The following SPAG1 variants were observed in gnomAD, a reference collection of about 807,000 sequenced individuals.
The protein encoded by SPAG1 is sperm-associated antigen 1.
A neutral mutation model predicts 100.5 loss-of-function variants in SPAG1; 69 were observed. That is an observed-to-expected ratio of 0.69 (90% CI 0.57 to 0.84). SPAG1 has a LOEUF of 0.84. Ranked by LOEUF, SPAG1 falls within the 40% of genes least tolerant of loss-of-function variation. The pLI is 0.00. For synonymous variants in SPAG1, 336 were observed against 411.6 expected (o/e 0.82, Z 2.22); for missense variants, 955 against 1,133.1 (o/e 0.84, Z 2.26).
At chr8:100,168,435 C>A (rs1035573071) in intron 3 of SPAG1, among the ~76,000 whole-genome samples, 1 of 151,980 alleles carries the variant, frequency 6.6e-6, no homozygotes, top group Non-Finnish European at 1.5e-5. Context: ...GCTTTTTTGC[C>A]CAGGCTGGAG....
At chr8:100,194,363 A>G in intron 10 of SPAG1, 95 bp downstream of exon 10, 1 of 1,523,716 alleles carries the variant, frequency 6.6e-7, no homozygotes, top group Non-Finnish European at 8.9e-7. Flanking sequence ...TTCGTAATCT[A>G]TCAGTTTTTC....
intron 12 of SPAG1, among the ~76,000 whole-genome samples, chr8:100,216,027 G>A (rs1817972134): frequency 6.6e-6 from 1 of 152,152 alleles, no homozygotes; most frequent in Non-Finnish European, 1.5e-5. Context: ...AGGATTTTGT[G>A]AGCTGGTTGA....
Position 100,240,392 on chromosome 8 carries a change from T to C in SPAG1, c.2281-11T>C. The C allele has an allele frequency of 1.3e-6, 2 of 1,570,590 alleles. No individual in the cohort carries two copies. The highest frequency in any genetic ancestry group is 1.7e-6 in the Non-Finnish European group (2 of 1,164,776). On this transcript the variant is annotated splice_polypyrimidine_tract_variant and intron_variant, in intron 17 of 18. Coordinates refer to ENST00000388798, the MANE Select transcript of SPAG1 (RefSeq NM_003114.5). Reference sequence around the variant, plus strand: ...TCAGTGTCACAATGCATTTTTCTTTTCTTCATGAAGGTGAATGAAGGCAAG... The same window carrying C: ...TCAGTGTCACAATGCATTTTTCTTTCCTTCATGAAGGTGAATGAAGGCAAG...
intron 14 of SPAG1, among the ~76,000 whole-genome samples, chr8:100,228,768 T>G (rs1394887611): frequency 2.0e-5 from 3 of 152,132 alleles, no homozygotes; most frequent in African/African-American, 7.2e-5. Flanking sequence ...ATTTTAAGAT[T>G]ACAAAATTTA....
At chr8:100,206,959 T>G (rs1019240091) in intron 10 of SPAG1, among the ~76,000 whole-genome samples, 1 of 152,224 alleles carries the variant, frequency 6.6e-6, no homozygotes, top group Non-Finnish European at 1.5e-5. Flanking sequence ...CAGTGGCAGA[T>G]AGGGATGCCG....
At chr8:100,166,005 T>C (rs747458328) in intron 3 of SPAG1, 32 bp downstream of exon 3, 5 of 1,545,906 alleles carry the variant, frequency 3.2e-6, no homozygotes, top group Non-Finnish European at 4.4e-6. Flanking sequence ...CCATAGATAT[T>C]GTTGAGACAT....
intron 15 of SPAG1, 103 bp from the exon 16 acceptor site, chr8:100,233,308 A>AACAG: frequency 1.6e-6 from 2 of 1,280,424 alleles, no homozygotes; most frequent in Non-Finnish European, 2.2e-6. Context: ...GTGGTATAGC[A>AACAG]ACAGACATAT....
intron 10 of SPAG1, among the ~76,000 whole-genome samples, chr8:100,212,304 A>G (rs1817749624): frequency 6.6e-6 from 1 of 152,254 alleles, no homozygotes; most frequent in South Asian, 2.1e-4. Context: ...AGAATTCGTT[A>G]AAAGAGAAAG....
At chr8:100,231,647 A>T (rs1281009801) in intron 15 of SPAG1, among the ~76,000 whole-genome samples, 1 of 152,210 alleles carries the variant, frequency 6.6e-6, no homozygotes, top group African/African-American at 2.4e-5. Context: ...TGGGAGGAGC[A>T]GGAATCAATG....
At chr8:100,182,795 TAA>T (rs915784572) in intron 4 of SPAG1, among the ~76,000 whole-genome samples, 29 of 152,142 alleles carry the variant, frequency 1.9e-4, no homozygotes, top group Non-Finnish European at 5.9e-5. Flanking sequence ...TATTCACACA[TAA>T]GTTTTAAAAT....
intron 8 of SPAG1, among the ~76,000 whole-genome samples, chr8:100,189,105 G>A (rs1816703509): frequency 6.6e-6 from 1 of 151,974 alleles, no homozygotes; most frequent in African/African-American, 2.4e-5. Context: ...GCCGAGGTGG[G>A]CAGATCACCT....
Position 100,220,497 on chromosome 8 carries a change from C to G in SPAG1, c.1688+66C>G. 7 of 1,320,362 alleles carry G rather than the reference C, an allele frequency of 5.3e-6. No individual in the cohort carries two copies. In the South Asian group the frequency reaches 9.7e-5, roughly 18 times the overall value. 81.8% of individuals were successfully genotyped at this position (1,320,362 alleles called of 1,614,324 possible). A position where few individuals can be genotyped will look rare whatever the true frequency, so the allele number is the denominator to read the frequency against. On this transcript the variant is annotated intron_variant, in intron 13 of 18. Coordinates refer to ENST00000388798, the MANE Select transcript of SPAG1 (RefSeq NM_003114.5). ...ATACTGTTTTTCCCTTCCCCTCCTTCAAGAACATGTCAAAATATAGATGTG... is the reference window on the plus strand; with the variant it reads ...ATACTGTTTTTCCCTTCCCCTCCTTGAAGAACATGTCAAAATATAGATGTG...
intron 10 of SPAG1, among the ~76,000 whole-genome samples, chr8:100,208,703 T>G (rs189469997): frequency 5.0e-4 from 76 of 152,332 alleles, no homozygotes; most frequent in African/African-American, 1.8e-3. Flanking sequence ...CTTTTTCCTT[T>G]ATCATGTGAC....
intron 14 of SPAG1, among the ~76,000 whole-genome samples, chr8:100,226,485 T>C (rs1818518711): frequency 6.6e-6 from 1 of 152,144 alleles, no homozygotes; most frequent in African/African-American, 2.4e-5. Flanking sequence ...AGTGGATCAC[T>C]TGAGCCCAGG....
intron 10 of SPAG1, among the ~76,000 whole-genome samples, chr8:100,200,346 T>C (rs1357890342): frequency 1.3e-5 from 2 of 152,250 alleles, no homozygotes; most frequent in African/African-American, 4.8e-5. Context: ...CAGTCTATCA[T>C]TGATGGACAT....
At chr8:100,234,366 AAAT>A (rs1818909731) in intron 16 of SPAG1, among the ~76,000 whole-genome samples, 1 of 151,894 alleles carries the variant, frequency 6.6e-6, no homozygotes, top group Non-Finnish European at 1.5e-5. Context: ...TGCTAAAAAA[AAAT>A]AACATTTTCA....
intron 10 of SPAG1, among the ~76,000 whole-genome samples, chr8:100,210,648 C>T (rs1425558448): frequency 1.3e-5 from 2 of 152,006 alleles, no homozygotes; most frequent in Admixed American, 6.6e-5. Context: ...CTCAGGGATC[C>T]TTATGAGCCT....
At position 100,183,355 on chromosome 8, in the gene SPAG1, A is replaced by G. The variant is rs1350143806; in HGVS notation, c.427-20A>G. 9.3e-7 allele frequency: 1 copy of G among 1,075,422 alleles called. No homozygotes were observed. Among genetic ancestry groups the G allele is most frequent in the South Asian group, 1.3e-5 (1 of 74,262 alleles). 66.6% of individuals were successfully genotyped at this position (1,075,422 alleles called of 1,614,324 possible). ...TCTTATATTAAATATGTCTCATAAA[A>G]TATGATTTTATTCTTTTAGGAAAAA... On this transcript the variant is annotated intron_variant, in intron 4 of 18. Coordinates refer to ENST00000388798, the MANE Select transcript of SPAG1 (RefSeq NM_003114.5).
At chr8:100,175,284 CTTT>C (rs1329134913) in intron 3 of SPAG1, among the ~76,000 whole-genome samples, 10 of 126,384 alleles carry the variant, frequency 7.9e-5, no homozygotes, top group African/African-American at 1.2e-4. Flanking sequence ...CAGTGAAGTT[CTTT>C]TTTTTTTTTT....
Sources: gnomAD v4.1 joint callset for allele counts (sites outside exome capture counted in the v4.1 genomes callset) on GRCh38, gnomAD v4.1.1 for gene constraint, MANE v1.5 for transcripts, NCBI Gene and HGNC (gene_info 2026-07-23, HGNC 2026-07-21) for gene names.